USP9X: variants seen among roughly 807,000 people sequenced by gnomAD.
The protein encoded by USP9X is ubiquitin carboxyl-terminal hydrolase 9X.
In USP9X, 7 loss-of-function variants were observed where a neutral mutation model predicts 190.3. The ratio of observed to expected loss-of-function variants is 0.04; its 90% CI spans 0.02 to 0.07. The LOEUF (loss-of-function observed/expected upper bound fraction) is 0.07, where lower values mean the gene tolerates loss of function less well. Among genes scored for constraint, USP9X ranks in the 10% least tolerant of loss-of-function variants. The pLI is 1.00. For missense variants in USP9X, 1,010 were observed against 1,916.9 expected (o/e 0.53, Z 8.83); for synonymous variants, 645 against 659.5 (o/e 0.98, Z 0.34).
intron 2 of USP9X, among the ~76,000 whole-genome samples, chrX:41,125,828 G>A (rs2062245016): frequency 2.7e-5 from 3 of 110,693 alleles, no homozygotes; most frequent in Non-Finnish European, 5.7e-5. Flanking sequence ...ATTGATTTCA[G>A]TTGTCTTTTC....
Position 41,094,184 on chromosome X carries a change from C to CTTTT in USP9X, c.-159+8081_-159+8084dup, listed in dbSNP as rs56901756. On this transcript the variant is annotated intron_variant, in intron 1 of 44. Transcript: ENST00000378308. Reference sequence around the variant, plus strand: ...GTGACTACAGGTGTATTTCTTTTTTCTTTTTTTTTGAAATGGAGTTTCACT... The same window carrying CTTTT: ...GTGACTACAGGTGTATTTCTTTTTTCTTTTTTTTTTTTTGAAATGGAGTTTCACT... 2.1e-4 allele frequency among the ~76,000 whole-genome samples: 21 copies of CTTTT among 100,068 alleles called. 2 individuals carry two copies. Among genetic ancestry groups the CTTTT allele is most frequent in the Admixed American group, 4.4e-4 (4 of 9,000 alleles). 86.9% of individuals were successfully genotyped at this position (100,068 alleles called of 115,157 possible). A position where few individuals can be genotyped will look rare whatever the true frequency, so the allele number is the denominator to read the frequency against.
intron 7 of USP9X, 91 bp downstream of exon 7, chrX:41,140,862 C>T (rs1158765375): frequency 1.9e-6 from 2 of 1,078,935 alleles, no homozygotes; most frequent in African/African-American, 3.8e-5. Flanking sequence ...GTGGTTTCTT[C>T]AACTAATAAC....
intron 1 of USP9X, among the ~76,000 whole-genome samples, chrX:41,097,594 C>T (rs1432858904): frequency 2.7e-5 from 3 of 111,875 alleles, no homozygotes; most frequent in Non-Finnish European, 5.6e-5. Context: ...AACAAAACCC[C>T]ACTGCATGTC....
intron 21 of USP9X, among the ~76,000 whole-genome samples, chrX:41,176,035 C>T (rs2062772347): frequency 9.0e-6 from 1 of 111,264 alleles, no homozygotes; most frequent in Non-Finnish European, 1.9e-5. Context: ...GGATTACAGG[C>T]GTGAGCCACC....
intron 1 of USP9X, among the ~76,000 whole-genome samples, chrX:41,108,874 C>T (rs1489911917): frequency 9.0e-6 from 1 of 111,331 alleles, no homozygotes; most frequent in Non-Finnish European, 1.9e-5. Flanking sequence ...GGGTTAAGAG[C>T]GTCTGCCTCA....
intron 31 of USP9X, among the ~76,000 whole-genome samples, chrX:41,204,015 G>A (rs893221445): frequency 4.5e-5 from 5 of 111,604 alleles, no homozygotes; most frequent in African/African-American, 1.6e-4. Flanking sequence ...TTGAGGAACT[G>A]TTTTCTAGAG....
At chrX:41,185,825 A>G (rs1371222995) in intron 23 of USP9X, among the ~76,000 whole-genome samples, 2 of 111,364 alleles carry the variant, frequency 1.8e-5, no homozygotes, top group Non-Finnish European at 3.8e-5. Flanking sequence ...ATGTGCCACT[A>G]TGGATACAGA....
At chrX:41,118,441 C>T (rs765319879) in intron 1 of USP9X, among the ~76,000 whole-genome samples, 1 of 111,993 alleles carries the variant, frequency 8.9e-6, no homozygotes, top group Non-Finnish European at 1.9e-5. Flanking sequence ...TCACCCATAT[C>T]GTAGCACCTG....
Position 41,141,278 on chromosome X carries a change from G to T in USP9X, c.1023-15G>T, listed in dbSNP as rs1389553638. ...CGATTTTAGAATCATACTTATCACT[G>T]AATTTTTCTTACAGATTATTGCAAA... On this transcript the variant is annotated splice_polypyrimidine_tract_variant and intron_variant, in intron 8 of 44. Coordinates refer to ENST00000378308, the MANE Select transcript of USP9X (RefSeq NM_001039591.3). 8.3e-7 allele frequency: 1 copy of T among 1,200,213 alleles called. No homozygotes were observed. The highest frequency in any genetic ancestry group is 1.8e-5 in the South Asian group (1 of 54,114).
intron 43 of USP9X, 45 bp from the exon 44 acceptor site, chrX:41,230,456 T>G: frequency 2.4e-4 from 270 of 1,116,210 alleles, no homozygotes; most frequent in Non-Finnish European, 3.0e-4. Context: ...AAAGTAAACT[T>G]GAGTTTGCCT....
chrX:41,152,306 A>G (rs995163316), intron 13 of USP9X, among the ~76,000 whole-genome samples: 6 of 112,229 alleles, frequency 5.3e-5, no homozygotes, highest in Non-Finnish European at 1.1e-4. Context: ...GAATGCATTT[A>G]TCTTTCGAAG....
chrX:41,140,588 AG>A, intron 6 of USP9X, 67 bp from the exon 7 acceptor site: 1 of 749,912 alleles, frequency 1.3e-6, no homozygotes, highest in African/African-American at 2.1e-5. Context: ...TATTTCAATA[AG>A]GCTTTTTTTT....
chrX:41,180,666 C>G (rs2062817534), intron 21 of USP9X, among the ~76,000 whole-genome samples: 1 of 111,826 alleles, frequency 8.9e-6, no homozygotes, highest in Admixed American at 9.5e-5. Flanking sequence ...ATAATGATAA[C>G]TTTTTTGTGT....
At chrX:41,220,347 C>T (rs975908485) in intron 38 of USP9X, among the ~76,000 whole-genome samples, 1 of 112,118 alleles carries the variant, frequency 8.9e-6, no homozygotes, top group African/African-American at 3.2e-5. Context: ...ATCATTGTTC[C>T]ATAATGTAAC....
chrX:41,140,624 GA>G (rs2062414588), intron 6 of USP9X, 31 bp from the exon 7 acceptor site: 1 of 1,079,831 alleles, frequency 9.3e-7, no homozygotes, highest in South Asian at 2.0e-5. Flanking sequence ...TTTAAAGTAG[GA>G]AGTTAACTTT....
intron 21 of USP9X, among the ~76,000 whole-genome samples, chrX:41,180,455 A>G (rs981423500): frequency 1.8e-5 from 2 of 112,241 alleles, no homozygotes; most frequent in East Asian, 2.8e-4. Context: ...TGCTTTCTTC[A>G]TGTTTTATAT....
At chrX:41,174,489 T>C (rs1366030787) in intron 21 of USP9X, among the ~76,000 whole-genome samples, 1 of 112,020 alleles carries the variant, frequency 8.9e-6, no homozygotes, top group Non-Finnish European at 1.9e-5. Context: ...GGCCAGTTAA[T>C]TATAGAATGT....
chrX:41,168,892 A>ATT (rs112271373), intron 18 of USP9X, among the ~76,000 whole-genome samples: 4 of 110,776 alleles, frequency 3.6e-5, no homozygotes, highest in Admixed American at 1.9e-4. Flanking sequence ...CAATGCCATC[A>ATT]TTTTTTTTAA....
Position 41,232,717 on chromosome X carries a change from T to G in USP9X, c.*193T>G, listed in dbSNP as rs1267321596. The G allele has an allele frequency of 1.8e-5, 8 of 443,776 alleles. No homozygotes were observed. The highest frequency in any genetic ancestry group is 2.6e-5 in the Non-Finnish European group (7 of 274,028). The allele number at this position is 443,776 out of a possible 1,213,427, so 36.6% of individuals were successfully genotyped here. ...CCCGCCTGCAGTGGAAAGTGTATAG[T>G]GTTTTGTAATAAATGGCCTGATGCT... is the stretch of plus-strand genomic sequence containing the variant. On this transcript the variant is annotated 3_prime_UTR_variant, in exon 45 of 45. Coordinates refer to ENST00000378308, the MANE Select transcript of USP9X (RefSeq NM_001039591.3).
Sources: allele counts gnomAD v4.1 joint callset (sites outside exome capture counted in the v4.1 genomes callset), GRCh38; gene constraint gnomAD v4.1.1; transcripts MANE v1.5; gene names NCBI Gene and HGNC (gene_info 2026-07-23, HGNC 2026-07-21).